Variants in SOX30 observed in about 807,000 individuals in gnomAD.
SOX30 encodes the protein transcription factor SOX-30.
A neutral mutation model predicts 58.6 loss-of-function variants in SOX30; 17 were observed. The observed-to-expected ratio is 0.29, with a 90% CI of 0.20 to 0.44. The LOEUF is 0.44. SOX30 is among the 20% of genes least tolerant of loss of function. The pLI, the probability that SOX30 is intolerant of heterozygous loss-of-function variation, is 1.00. For synonymous variants in SOX30, 421 were observed against 400.2 expected (o/e 1.05, Z -0.62); for missense variants, 951 against 965.8 (o/e 0.98, Z 0.20).
Position 157,648,887 on chromosome 5 carries a change from T to C in SOX30, c.977A>G (p.Asp326Gly). 1.2e-6 allele frequency: 2 copies of C among 1,608,784 alleles called. No individual in the cohort carries two copies. Among genetic ancestry groups the C allele is most frequent in the Non-Finnish European group, 1.7e-6 (2 of 1,178,130 alleles). ...ATTTCTGTCCTTACTGAAGGGAGTA[T>C]CTGGTATGCCTACATGACAAAAATT... The part of the protein sequence containing the change: ...TVLPSDAGIP[D>G]TPFSKDRNGH... The change falls in exon 2 of 5, where the codon GAT becomes GGT. Residue 326 changes from aspartate to glycine, a missense_variant. Around this residue, in one of 7 missense-constraint regions of SOX30, gnomAD observed 60 missense variants for 74.0 expected, o/e 0.81. Transcript: ENST00000265007.
upstream of SOX30, among the ~76,000 whole-genome samples, chr5:157,655,175 G>A (rs554266856): frequency 4.2e-4 from 64 of 152,212 alleles, 1 homozygote; most frequent in Middle Eastern, 6.8e-3. Context: ...GGCAACTATG[G>A]AATGGACTGC....
At chr5:157,655,696 G>A, upstream of SOX30, among the ~76,000 whole-genome samples, 1 of 152,132 alleles carries the variant, frequency 6.6e-6, no homozygotes. Context: ...TCTTTCTGTG[G>A]CTTCCCTGAA....
intron 3 of SOX30, among the ~76,000 whole-genome samples, chr5:157,641,887 A>G (rs1759071781): frequency 6.6e-6 from 1 of 152,236 alleles, no homozygotes; most frequent in South Asian, 2.1e-4. Context: ...ACAGGGGAGA[A>G]TACCAGATTA....
rs1181539821 is a variant in SOX30 at position 157,638,344 on chromosome 5, G to A, written c.1766C>T (p.Pro589Leu). 29 of 1,613,340 alleles carry A rather than the reference G, an allele frequency of 1.8e-5. No individual in the cohort carries two copies. The highest frequency in any genetic ancestry group is 2.0e-5 in the Non-Finnish European group (24 of 1,179,616). Reference sequence around the variant, plus strand: ...AAGGGGAGGGGGCTGGTAGACATGTGGGTGTGGAATGGGAGAAGCCTGGGG... The same window carrying A: ...AAGGGGAGGGGGCTGGTAGACATGTAGGTGTGGAATGGGAGAAGCCTGGGG... Reference protein sequence around the residue: ...PIPQASPIPHPHVYQPPPLGH... With the variant: ...PIPQASPIPHLHVYQPPPLGH... The change falls in exon 4 of 5, where the codon CCA becomes CTA. Residue 589 changes from proline to leucine, a missense_variant. Transcript: ENST00000265007.
intron 1 of SOX30, among the ~76,000 whole-genome samples, chr5:157,649,654 G>C (rs2113848438): frequency 6.6e-6 from 1 of 152,192 alleles, no homozygotes; most frequent in South Asian, 2.1e-4. Flanking sequence ...GCCAGGCGTG[G>C]TTGCTCATGC....
intron 4 of SOX30, among the ~76,000 whole-genome samples, chr5:157,631,070 C>CAATATATATATTTTATATATATAT (rs1561578568): frequency 4.5e-5 from 1 of 21,992 alleles, no homozygotes; most frequent in Non-Finnish European, 1.1e-4. Context: ...TATATATATA[C>CAATATATATATTTTATATATATAT]ACACAATATA....
chr5:157,648,436 A>T (rs1417968680), intron 2 of SOX30, among the ~76,000 whole-genome samples: 1 of 152,204 alleles, frequency 6.6e-6, no homozygotes, highest in Non-Finnish European at 1.5e-5. Flanking sequence ...GATTTGTATG[A>T]GTTGGTGAAT....
intron 2 of SOX30, 45 bp from the exon 3 acceptor site, chr5:157,646,861 C>A (rs751349588): frequency 2.0e-5 from 28 of 1,417,390 alleles, no homozygotes; most frequent in African/African-American, 4.3e-5. Context: ...TCCATTTAGC[C>A]TTTAAATAAT....
At chr5:157,655,188 T>C (rs1366293849), upstream of SOX30, among the ~76,000 whole-genome samples, 1 of 152,018 alleles carries the variant, frequency 6.6e-6, no homozygotes, top group African/African-American at 2.4e-5. Context: ...TGGACTGCAG[T>C]ATGGAAACCC....
intron 2 of SOX30, among the ~76,000 whole-genome samples, chr5:157,662,249 T>C (rs917697298): frequency 6.6e-6 from 1 of 152,118 alleles, no homozygotes; most frequent in Non-Finnish European, 1.5e-5. Context: ...TTTTTCTTGG[T>C]CATTTGACTA....
chr5:157,654,736 A>G (rs1038263512), upstream of SOX30, among the ~76,000 whole-genome samples: 1 of 152,220 alleles, frequency 6.6e-6, no homozygotes, highest in Non-Finnish European at 1.5e-5. Context: ...TAAAACCCAC[A>G]AAAACCAAGA....
In SOX30 at chr5:157,651,951, A is replaced by T; in HGVS notation, c.128T>A (p.Leu43Gln). 4 of 1,475,464 alleles carry T rather than the reference A, an allele frequency of 2.7e-6. No individual in the cohort carries two copies. The highest frequency in any genetic ancestry group is 1.4e-5 in the African/African-American group (1 of 70,710). 91.4% of individuals were successfully genotyped at this position (1,475,464 alleles called of 1,614,324 possible). The change falls in exon 1 of 5, where the codon CTG (leucine) becomes CAG (glutamine). Residue 43 changes from leucine to glutamine, a missense_variant. Leu to Gln is a moderately radical substitution (Grantham distance 113). Around this residue, in one of 7 missense-constraint regions of SOX30, gnomAD observed 363 missense variants for 294.5 expected, o/e 1.23. Coordinates refer to ENST00000265007, the MANE Select transcript of SOX30 (RefSeq NM_178424.2). ...AMEPPPSSPTLSAAASATLAS... is the reference protein window; with the variant it reads ...AMEPPPSSPTQSAAASATLAS... ...CAAGGTCGCACTGGCTGCCGCGCTC[A>T]GTGTGGGAGACGACGGAGGGGGCTC...
At position 157,651,424 on chromosome 5, in the gene SOX30, T is replaced by G. The variant is rs1759335618; in HGVS notation, c.655A>C (p.Arg219=). Residue 219 remains arginine (R), a synonymous_variant, in exon 1 of 5, where the codon AGA becomes CGA. Transcript: ENST00000265007. ...CCGAGCCTGCAGTCCTCGAGGAGTC[T>G]CTCGGGTTCCTCCGTTTTGATCACA... The part of the protein sequence containing the change: ...EGVIKTEEPE[R]LLEDCRLGAE... 2 of 1,613,366 alleles carry G rather than the reference T, an allele frequency of 1.2e-6. No individual in the cohort carries two copies. Among genetic ancestry groups the G allele is most frequent in the African/African-American group, 2.7e-5 (2 of 74,932 alleles).
At chr5:157,667,971 G>T in intron 1 of SOX30, 1 of 1,171,540 alleles carries the variant, frequency 8.5e-7, no homozygotes, top group Non-Finnish European at 1.2e-6. Flanking sequence ...CTATCTTACA[G>T]GCAAGAAAAC....
At chr5:157,646,069 A>G (rs1180362905) in intron 3 of SOX30, among the ~76,000 whole-genome samples, 2 of 152,074 alleles carry the variant, frequency 1.3e-5, no homozygotes, top group African/African-American at 2.4e-5. Flanking sequence ...GGATAGCCCT[A>G]TAACAAGTTA....
chr5:157,661,080 T>A (rs893364385), intron 2 of SOX30, among the ~76,000 whole-genome samples: 1 of 152,258 alleles, frequency 6.6e-6, no homozygotes, highest in African/African-American at 2.4e-5. Context: ...TGTAATTTTT[T>A]AAAATTTCCT....
At chr5:157,667,718 G>T in intron 2 of SOX30, 1 of 1,500,168 alleles carries the variant, frequency 6.7e-7, no homozygotes, top group South Asian at 1.3e-5. Flanking sequence ...CAGCCTGGGC[G>T]ACAGAGCGAG....
chr5:157,669,788 G>T (rs1393391465), intron 1 of SOX30, among the ~76,000 whole-genome samples: 1 of 152,030 alleles, frequency 6.6e-6, no homozygotes, highest in Admixed American at 6.6e-5. Context: ...CAAAGTGCAG[G>T]GATTACAGGC....
intron 1 of SOX30, 75 bp downstream of exon 1, chr5:157,651,037 T>G: frequency 8.9e-7 from 1 of 1,129,110 alleles, no homozygotes; most frequent in South Asian, 1.5e-5. Flanking sequence ...AGTTTAGACT[T>G]GGGAACTGCT....
Sources: allele counts gnomAD v4.1 joint callset (sites outside exome capture counted in the v4.1 genomes callset), GRCh38; gene constraint gnomAD v4.1.1; regional missense constraint gnomAD v4.1.1; transcripts MANE v1.5; gene names NCBI Gene and HGNC (gene_info 2026-07-23, HGNC 2026-07-21).